NOL4L: variants seen among roughly 807,000 people sequenced by gnomAD.
NOL4L encodes the protein nucleolar protein 4 like, also known as nucleolar protein 4-like.
A neutral mutation model predicts 64.5 loss-of-function variants in NOL4L; 7 were observed. That is an observed-to-expected ratio of 0.11 (90% CI 0.06 to 0.20). NOL4L has a LOEUF of 0.20. Among genes scored for constraint, NOL4L ranks in the 10% least tolerant of loss-of-function variants. The pLI, the probability that NOL4L is intolerant of heterozygous loss-of-function variation, is 1.00. For missense variants in NOL4L, 680 were observed against 967.1 expected (o/e 0.70, Z 3.94); for synonymous variants, 413 against 401.0 (o/e 1.03, Z -0.36).
At chr20:32,516,224 C>T (rs990618782) in intron 3 of NOL4L, among the ~76,000 whole-genome samples, 1 of 151,946 alleles carries the variant, frequency 6.6e-6, no homozygotes, top group Non-Finnish European at 1.5e-5. Context: ...GACCAGCCAG[C>T]CTCAGGGGGT....
chr20:32,584,966 G>A lies in NOL4L; in HGVS notation c.-76C>T, dbSNP rs892161711. 4.7e-5 allele frequency: 40 copies of A among 849,594 alleles called. No individual in the cohort carries two copies. In the African/African-American group the frequency reaches 7.2e-4, roughly 15 times the overall value. 52.6% of individuals were successfully genotyped at this position (849,594 alleles called of 1,614,324 possible). On this transcript the variant is annotated 5_prime_UTR_variant, in exon 1 of 11. Transcript: ENST00000621426. ...CGGTGCCGGGACTGGGCTGGGCTGGGCTGGACCGGGCCGGGACGCGCCGCG... is the reference window on the plus strand; with the variant it reads ...CGGTGCCGGGACTGGGCTGGGCTGGACTGGACCGGGCCGGGACGCGCCGCG...
chr20:32,461,075 C>T (rs1051062405), intron 5 of NOL4L, among the ~76,000 whole-genome samples: 1 of 152,230 alleles, frequency 6.6e-6, no homozygotes, highest in Non-Finnish European at 1.5e-5. Flanking sequence ...CATGAACCAA[C>T]AGGGGCAGAG....
intron 4 of NOL4L, 21 bp downstream of exon 4, chr20:32,511,326 G>A (rs2017395026): frequency 2.0e-6 from 3 of 1,495,670 alleles, no homozygotes; most frequent in Admixed American, 2.0e-5. Context: ...CAGGTGGGGT[G>A]AGGGGAGACG....
chr20:32,534,425 C>T (rs1202023831), intron 1 of NOL4L, among the ~76,000 whole-genome samples: 1 of 152,196 alleles, frequency 6.6e-6, no homozygotes, highest in African/African-American at 2.4e-5. Context: ...TGTGAGGATG[C>T]CGCTCCATCC....
chr20:32,580,801 C>T (rs1194954589), intron 1 of NOL4L, among the ~76,000 whole-genome samples: 5 of 152,218 alleles, frequency 3.3e-5, no homozygotes, highest in Non-Finnish European at 7.3e-5. Context: ...TATCTCTCCA[C>T]GGAGACTTGG....
At chr20:32,478,195 T>C (rs1468925867) in intron 4 of NOL4L, among the ~76,000 whole-genome samples, 2 of 151,806 alleles carry the variant, frequency 1.3e-5, no homozygotes, top group Non-Finnish European at 2.9e-5. Flanking sequence ...CAACCAAGTG[T>C]CTCAAGATGA....
chr20:32,560,980 G>A (rs1051976696), intron 1 of NOL4L: 4 of 152,346 alleles, frequency 2.6e-5, no homozygotes, highest in African/African-American at 4.8e-5. Flanking sequence ...GTGTGCCTGG[G>A]CTGCTGGGGG....
chr20:32,560,265 G>A (rs1175108751), intron 1 of NOL4L, among the ~76,000 whole-genome samples: 4 of 152,204 alleles, frequency 2.6e-5, no homozygotes, highest in Non-Finnish European at 4.4e-5. Context: ...CCTGGCACAC[G>A]TGGACACCAC....
intron 1 of NOL4L, among the ~76,000 whole-genome samples, chr20:32,540,143 G>A (rs1401057149): frequency 1.3e-5 from 2 of 152,136 alleles, no homozygotes; most frequent in Non-Finnish European, 1.5e-5. Flanking sequence ...TGACCCCTTC[G>A]CCTCTGCACG....
intron 5 of NOL4L, among the ~76,000 whole-genome samples, chr20:32,462,913 A>AAAAAAAAAAAAAAAAC (rs1208831257): frequency 6.6e-6 from 1 of 150,494 alleles, no homozygotes; most frequent in Admixed American, 6.6e-5. Context: ...TAAAAAAAAA[A>AAAAAAAAAAAAAAAAC]AAAAAAAAAA....
intron 5 of NOL4L, among the ~76,000 whole-genome samples, chr20:32,466,254 C>T (rs2014540064): frequency 6.6e-6 from 1 of 152,194 alleles, no homozygotes. Context: ...GGGCATGAGC[C>T]ACCACGCCTG....
chr20:32,487,371 C>CAG (rs752038347), intron 4 of NOL4L, among the ~76,000 whole-genome samples: 1 of 91,838 alleles, frequency 1.1e-5, no homozygotes, highest in Non-Finnish European at 2.2e-5. Flanking sequence ...GGGGGAGAGG[C>CAG]AGAGGATGGG....
intron 1 of NOL4L, chr20:32,536,368 G>A (rs2018523364): frequency 1.0e-6 from 1 of 965,080 alleles, no homozygotes; most frequent in African/African-American, 1.8e-5. Flanking sequence ...CCCCACCCAG[G>A]GCCGGGGGAA....
chr20:32,471,800 G>GCCT (rs1339717154), intron 5 of NOL4L, among the ~76,000 whole-genome samples: 1 of 152,074 alleles, frequency 6.6e-6, no homozygotes, highest in Non-Finnish European at 1.5e-5. Context: ...ATTTAAAAGA[G>GCCT]CCTGGTACCT....
chr20:32,517,369 G>A (rs1165597840), intron 3 of NOL4L, among the ~76,000 whole-genome samples: 6 of 152,244 alleles, frequency 3.9e-5, no homozygotes, highest in African/African-American at 1.2e-4. Context: ...GCTGGAGAGG[G>A]AGAAGGGAGG....
chr20:32,577,802 T>C (rs889774374), intron 1 of NOL4L, among the ~76,000 whole-genome samples: 6 of 152,190 alleles, frequency 3.9e-5, no homozygotes, highest in Non-Finnish European at 8.8e-5. Flanking sequence ...AGTTGCTGCC[T>C]ACCTACTCTA....
rs563487752 is a variant in NOL4L, at chr20:32,463,706, C to T, written c.842-7311G>A. Among the ~76,000 whole-genome samples, 13 of 152,362 alleles carry T rather than the reference C, an allele frequency of 8.5e-5. No individual in the cohort carries two copies. The highest frequency in any genetic ancestry group is 2.1e-4 in the South Asian group (1 of 4,830). ...CAGAAGGAGACAAAAACCCCTTTTA[C>T]CTCAGCAAACAATGCCCTTATGTGG... is the stretch of plus-strand genomic sequence containing the variant. On this transcript the variant is annotated intron_variant, in intron 5 of 10. Transcript: ENST00000621426. The surrounding 1 kb of genome is among the most constrained non-coding windows in gnomAD (Gnocchi z 5.8).
chr20:32,536,680 G>A (rs2018538148), intron 1 of NOL4L, among the ~76,000 whole-genome samples: 1 of 149,780 alleles, frequency 6.7e-6, no homozygotes, highest in African/African-American at 2.4e-5. Context: ...TATTCTGCAG[G>A]AGACGTTAAT....
intron 4 of NOL4L, among the ~76,000 whole-genome samples, chr20:32,504,917 A>G (rs760697857): frequency 2.0e-5 from 3 of 152,170 alleles, no homozygotes; most frequent in Non-Finnish European, 4.4e-5. Context: ...TCTTTAAGAG[A>G]CCATCAAAGG....
Sources: gnomAD v4.1 joint callset for allele counts (sites outside exome capture counted in the v4.1 genomes callset) on GRCh38, gnomAD v4.1.1 for gene constraint, Gnocchi (gnomAD v3.1) non-coding constraint, MANE v1.5 for transcripts, NCBI Gene and HGNC (gene_info 2026-07-23, HGNC 2026-07-21) for gene names.